The following PARP4 variants were observed in gnomAD, a reference collection of about 807,000 sequenced individuals.
PARP4 encodes poly(ADP-ribose) polymerase family member 4.
A neutral mutation model predicts 187.7 loss-of-function variants in PARP4; 120 were observed. The observed-to-expected ratio is 0.64, with a 90% CI of 0.55 to 0.74. PARP4 has a LOEUF of 0.74. PARP4 is among the 30% of genes least tolerant of loss of function. The pLI is 0.00. For synonymous variants in PARP4, 654 were observed against 740.9 expected (o/e 0.88, Z 1.90); for missense variants, 1,836 against 2,070.5 (o/e 0.89, Z 2.20).
intron 6 of PARP4, among the ~76,000 whole-genome samples, 163 bp from the exon 7 acceptor site, chr13:24,494,885 T>C (rs1868862521): frequency 6.6e-6 from 1 of 152,064 alleles, no homozygotes; most frequent in African/African-American, 2.4e-5. Context: ...TTTTCTTTTT[T>C]TTTTGAGACA....
At chr13:24,463,434 G>A (rs955260964) in intron 17 of PARP4, among the ~76,000 whole-genome samples, 1 of 152,066 alleles carries the variant, frequency 6.6e-6, no homozygotes, top group African/African-American at 2.4e-5. Flanking sequence ...AGAAAGAAAT[G>A]AAGAGCACCA....
In PARP4 at chr13:24,503,791, AG is replaced by A; in HGVS notation, c.-1-15del. The stretch of plus-strand genomic sequence containing the variant: ...CCCATCACCATCCTGTAGGAAAAAA[AG>A]TTTTTAAGGACCCTCTCTTAAGTCA... On this transcript the variant is annotated splice_polypyrimidine_tract_variant and intron_variant, in intron 1 of 33. Transcript: ENST00000381989. 6.2e-7 allele frequency: 1 copy of A among 1,611,578 alleles called. No individual in the cohort carries two copies. Among genetic ancestry groups the A allele is most frequent in the South Asian group, 1.1e-5 (1 of 91,004 alleles).
rs761720929 is a variant in PARP4, at chr13:24,456,497, GACA to G, written c.2425-22_2425-20del. The G allele has an allele frequency of 4.4e-6, 7 of 1,579,078 alleles. No homozygotes were observed. In the East Asian group the frequency reaches 6.8e-5, roughly 15 times the overall value. On this transcript the variant is annotated intron_variant, in intron 20 of 33. Coordinates refer to ENST00000381989, the MANE Select transcript of PARP4 (RefSeq NM_006437.4). ...CTGTGCGCTGCAAAACAAACACCGC[GACA>G]ACAAGGTGAGTAATGGAGTAACACC...
chr13:24,509,454 C>T (rs1274492771), intron 1 of PARP4, among the ~76,000 whole-genome samples: 1 of 150,970 alleles, frequency 6.6e-6, no homozygotes, highest in Non-Finnish European at 1.5e-5. Context: ...CTGCAGTGAG[C>T]TGTGATCATG....
At position 24,431,422 on chromosome 13, in the gene PARP4, T is replaced by G. The variant is rs781560716; in HGVS notation, c.4801A>C (p.Asn1601His). ...TGTTTAAGAAAGCTGTGCAAACCATTTGTATTAAGATTTAATATAAGTCCC... is the reference window on the plus strand; with the variant it reads ...TGTTTAAGAAAGCTGTGCAAACCATGTGTATTAAGATTTAATATAAGTCCC... ...ELGLILNLNT[N>H]GLHSFLKQKG... Residue 1601 changes from asparagine to histidine, a missense_variant, in exon 32 of 34, where the codon AAT (asparagine) becomes CAT (histidine). Transcript: ENST00000381989. 2 of 1,603,302 alleles carry G rather than the reference T, an allele frequency of 1.2e-6. No individual in the cohort carries two copies. Among genetic ancestry groups the G allele is most frequent in the Non-Finnish European group, 1.7e-6 (2 of 1,176,680 alleles).
Position 24,460,037 on chromosome 13 carries a change from C to T in PARP4, c.2233G>A (p.Val745Ile). The T allele has an allele frequency of 6.2e-7, 1 of 1,614,032 alleles. No individual in the cohort carries two copies. Among genetic ancestry groups the T allele is most frequent in the Non-Finnish European group, 8.5e-7 (1 of 1,180,000 alleles). Residue 745 changes from valine to isoleucine, a missense_variant, in exon 18 of 34, where the codon GTC becomes ATC. Around this residue, in one of 8 missense-constraint regions of PARP4, gnomAD observed 1,147 missense variants for 1,214.2 expected, o/e 0.94. Transcript: ENST00000381989. ...GCTACGGTGGCGGGCATGAAAAAGA[C>T]ACCAACAGTGCCCAGGATGCTGAGT... ...TELSILGTVG[V>I]FFMPATVAPW...
Position 24,435,041 on chromosome 13 carries a change from C to T in PARP4, c.4100G>A (p.Gly1367Asp), listed in dbSNP as rs767910038. The change falls in exon 31 of 34, where the codon GGC (glycine) becomes GAC (aspartate). Residue 1367 changes from glycine to aspartate, a missense_variant. Transcript: ENST00000381989. ...GTCAGCACAAGTGCCAGGCACAGGGCCTTGGCTGAATTGAGATGCATCAAA... is the reference window on the plus strand; with the variant it reads ...GTCAGCACAAGTGCCAGGCACAGGGTCTTGGCTGAATTGAGATGCATCAAA... Reference protein sequence around the residue: ...RQFDASQFSQGPVPGTCADWI... With the variant: ...RQFDASQFSQDPVPGTCADWI... The T allele has an allele frequency of 1.4e-5, 23 of 1,613,856 alleles. No individual in the cohort carries two copies. Among genetic ancestry groups the T allele is most frequent in the Non-Finnish European group, 1.7e-5 (20 of 1,180,036 alleles).
At chr13:24,479,179 G>C (rs1873135070) in intron 12 of PARP4, among the ~76,000 whole-genome samples, 1 of 152,094 alleles carries the variant, frequency 6.6e-6, no homozygotes, top group Non-Finnish European at 1.5e-5. Context: ...ACAACATTTT[G>C]GAGACGCATG....
chr13:24,430,405 C>A (rs1351564574), intron 32 of PARP4, among the ~76,000 whole-genome samples: 3 of 152,120 alleles, frequency 2.0e-5, no homozygotes, highest in African/African-American at 4.8e-5. Flanking sequence ...GTAATCCCAA[C>A]ACTTTGGGAG....
Position 24,453,588 on chromosome 13 carries a change from A to G in PARP4, c.2825T>C (p.Met942Thr). Residue 942 changes from methionine (M) to threonine (T), a missense_variant and splice_region_variant, in exon 23 of 34, where the codon ATG becomes ACG. Physicochemically the swap from Met to Thr is moderately conservative, Grantham distance 81. Around this residue, in one of 8 missense-constraint regions of PARP4, gnomAD observed 1,147 missense variants for 1,214.2 expected, o/e 0.94. Coordinates refer to ENST00000381989, the MANE Select transcript of PARP4 (RefSeq NM_006437.4). ...TSNTMAAEFI[M>T]SATPTMGNTD... ...ATACAGGAAGCCTCTTGCACTCACC[A>G]TGATGAACTCTGCTGCCATGGTATT... 1 of 1,585,474 alleles carries G rather than the reference A, an allele frequency of 6.3e-7. No homozygotes were observed. Among genetic ancestry groups the G allele is most frequent in the African/African-American group, 1.3e-5 (1 of 74,456 alleles).
chr13:24,458,307 C>T (rs1871996264), intron 20 of PARP4, among the ~76,000 whole-genome samples: 1 of 152,028 alleles, frequency 6.6e-6, no homozygotes, highest in Admixed American at 6.6e-5. Flanking sequence ...GACGAGGTTT[C>T]ACCATGTTAG....
intron 20 of PARP4, among the ~76,000 whole-genome samples, chr13:24,457,770 CAAAAAAA>C (rs33930012): frequency 2.2e-4 from 19 of 85,646 alleles, no homozygotes; most frequent in East Asian, 1.2e-3. Context: ...GACTCTGTCT[CAAAAAAA>C]AAAAAAAAAA....
intron 17 of PARP4, among the ~76,000 whole-genome samples, chr13:24,462,071 T>C (rs559614910): frequency 2.0e-5 from 3 of 152,264 alleles, no homozygotes; most frequent in African/African-American, 7.2e-5. Flanking sequence ...AAGTGCTAAT[T>C]AGTTCCCATC....
rs766734643 is a variant in PARP4 at position 24,455,146 on chromosome 13, C to G, written c.2629G>C (p.Val877Leu). Reference sequence around the variant, plus strand: ...CTGGAGCAGTCAAGACAAATAATCACTTCGCTCTCACTGGCTAGGTCAGGG... The same window carrying G: ...CTGGAGCAGTCAAGACAAATAATCAGTTCGCTCTCACTGGCTAGGTCAGGG... ...DLPDLASESE[V>L]IICLDCSSSM... Residue 877 changes from valine (V) to leucine (L), a missense_variant, in exon 22 of 34, where the codon GTG (valine) becomes CTG (leucine). Physicochemically the swap from Val to Leu is conservative, Grantham distance 32 (BLOSUM62 1). This residue lies in a region of PARP4 where 1,147 missense variants were observed against 1,214.2 expected (regional missense o/e 0.94). Coordinates refer to ENST00000381989, the MANE Select transcript of PARP4 (RefSeq NM_006437.4). 1 of 1,612,460 alleles carries G rather than the reference C, an allele frequency of 6.2e-7. No individual in the cohort carries two copies. The highest frequency in any genetic ancestry group is 8.5e-7 in the Non-Finnish European group (1 of 1,178,728).
chr13:24,435,400 T>C lies in PARP4; in HGVS notation c.3741A>G (p.Lys1247=). 2 of 1,612,058 alleles carry C rather than the reference T, an allele frequency of 1.2e-6. No individual in the cohort carries two copies. Among genetic ancestry groups the C allele is most frequent in the Non-Finnish European group, 1.7e-6 (2 of 1,179,682 alleles). ...CTGGCTGAGATAATTCCATTTTTCT[T>C]TTGGAAAATGGAATTTTCCTATGTT... is the stretch of plus-strand genomic sequence containing the variant. ...KRKHRKIPFS[K]RKMELSQPEV... The change falls in exon 31 of 34, where the codon AAA becomes AAG. Residue 1247 remains lysine (K), a synonymous_variant. Transcript: ENST00000381989.
At chr13:24,487,054 G>A (rs1359842964) in intron 10 of PARP4, among the ~76,000 whole-genome samples, 1 of 149,980 alleles carries the variant, frequency 6.7e-6, no homozygotes, top group East Asian at 2.0e-4. Flanking sequence ...GAGGTCAGGA[G>A]ATCAAGACCA....
At chr13:24,481,892 A>G (rs1873300491) in intron 12 of PARP4, among the ~76,000 whole-genome samples, 1 of 152,180 alleles carries the variant, frequency 6.6e-6, no homozygotes, top group Non-Finnish European at 1.5e-5. Context: ...ACATTTTGTA[A>G]GGCTATAGCT....
intron 31 of PARP4, among the ~76,000 whole-genome samples, chr13:24,434,138 A>C (rs1954201): frequency 0.94 from 142,843 of 152,166 alleles, 67,143 homozygotes; most frequent in East Asian, 0.99. Flanking sequence ...AGTAACATTC[A>C]CCAGCATGAG....
In PARP4 at chr13:24,452,473, C is replaced by T. The variant is rs2137470413; in HGVS notation, c.2947G>A (p.Glu983Lys). Reference protein sequence around the residue: ...LLVSDGHLQDESLTLQLVKRS... With the variant: ...LLVSDGHLQDKSLTLQLVKRS... ...TTCACGAGCTGTAATGTCAGGCTCT[C>T]ATCCTGGAGGTGCCCATCAGACACC... Residue 983 changes from glutamate to lysine, a missense_variant, in exon 24 of 34, where the codon GAG (glutamate) becomes AAG (lysine). Physicochemically the swap from Glu to Lys is moderately conservative, Grantham distance 56. Coordinates refer to ENST00000381989, the MANE Select transcript of PARP4 (RefSeq NM_006437.4). 1 of 1,614,180 alleles carries T rather than the reference C, an allele frequency of 6.2e-7. No individual in the cohort carries two copies. The highest frequency in any genetic ancestry group is 1.6e-4 in the Middle Eastern group (1 of 6,062).
Sources: allele counts gnomAD v4.1 joint callset (sites outside exome capture counted in the v4.1 genomes callset), GRCh38; gene constraint gnomAD v4.1.1; regional missense constraint gnomAD v4.1.1; transcripts MANE v1.5; gene names NCBI Gene and HGNC (gene_info 2026-07-23, HGNC 2026-07-21).